PCDHA7: variants seen among roughly 807,000 people sequenced by gnomAD.
PCDHA7 encodes protocadherin alpha 7, also known as protocadherin alpha-7.
A neutral mutation model predicts 57.2 loss-of-function variants in PCDHA7; 37 were observed. That is an observed-to-expected ratio of 0.65 (90% confidence interval 0.50 to 0.85). The LOEUF is 0.85. PCDHA7 is among the 40% of genes least tolerant of loss of function. The probability of loss-of-function intolerance (pLI) is 0.00; values close to 1 mark genes in which losing one functional copy is unlikely to be tolerated. For missense variants in PCDHA7, 1,188 were observed against 1,241.8 expected (o/e 0.96, Z 0.65); for synonymous variants, 553 against 558.8 (o/e 0.99, Z 0.15).
intron 1 of PCDHA7, chr5:140,863,519 A>G (rs1309854310): frequency 7.5e-6 from 3 of 400,164 alleles, no homozygotes; most frequent in Non-Finnish European, 1.5e-5. Context: ...GTGTTCTCCC[A>G]TGGTTCAGAT....
At position 140,857,030 on chromosome 5, in the gene PCDHA7, C is replaced by T. The variant is rs370499942; in HGVS notation, c.2355+20292C>T. The T allele has an allele frequency of 4.7e-5, 75 of 1,596,300 alleles. 6 individuals carry two copies. Among genetic ancestry groups the T allele is most frequent in the Non-Finnish European group, 6.0e-5 (70 of 1,166,132 alleles). ...AGATGTTACAGATAAGGGAAACCCA[C>T]CTATGGTTGGTCACTGCACGGTCCT... On this transcript the variant is annotated intron_variant, in intron 1 of 3. Transcript: ENST00000525929.
chr5:140,938,455 T>C (rs1317742854), intron 1 of PCDHA7, among the ~76,000 whole-genome samples: 1 of 152,196 alleles, frequency 6.6e-6, no homozygotes, highest in East Asian at 1.9e-4. Flanking sequence ...TTCCCTTTGT[T>C]TTTTAATTTA....
intron 1 of PCDHA7, chr5:140,859,970 T>C (rs894279399): frequency 6.6e-6 from 1 of 152,018 alleles, no homozygotes; most frequent in Non-Finnish European, 1.5e-5. Context: ...GTCTCAGGTA[T>C]ACAAGTGCAT....
At chr5:140,893,634 T>C (rs2064095604) in intron 1 of PCDHA7, among the ~76,000 whole-genome samples, 1 of 152,236 alleles carries the variant, frequency 6.6e-6, no homozygotes, top group Admixed American at 6.5e-5. Flanking sequence ...CTGCTTGGTA[T>C]AGTATTTTTG....
intron 1 of PCDHA7, chr5:140,864,637 A>G (rs1554159030): frequency 6.6e-6 from 1 of 152,220 alleles, no homozygotes; most frequent in East Asian, 1.9e-4. Flanking sequence ...AAACAAAACA[A>G]AACAATGTCA....
At chr5:140,998,122 A>G (rs2097797315) in intron 3 of PCDHA7, among the ~76,000 whole-genome samples, 1 of 152,214 alleles carries the variant, frequency 6.6e-6, no homozygotes, top group Admixed American at 6.5e-5. Flanking sequence ...TTACTTGTGA[A>G]TCATAATAGC....
At chr5:140,917,127 C>T (rs1286418907) in intron 1 of PCDHA7, among the ~76,000 whole-genome samples, 1 of 152,072 alleles carries the variant, frequency 6.6e-6, no homozygotes, top group African/African-American at 2.4e-5. Context: ...CGCAGACTCC[C>T]CACGTTGCTC....
intron 1 of PCDHA7, chr5:140,842,268 A>C: frequency 6.2e-7 from 1 of 1,610,534 alleles, no homozygotes; most frequent in South Asian, 1.1e-5. Context: ...GAAAACTTAT[A>C]CAAAATCCTC....
chr5:140,940,437 C>T (rs1212783028), intron 1 of PCDHA7, among the ~76,000 whole-genome samples: 1 of 151,730 alleles, frequency 6.6e-6, no homozygotes, highest in Non-Finnish European at 1.5e-5. Context: ...TCAAGTCTGC[C>T]ATGATATTTT....
chr5:140,876,313 A>T, intron 1 of PCDHA7: 1 of 1,614,022 alleles, frequency 6.2e-7, no homozygotes, highest in East Asian at 2.2e-5. Flanking sequence ...TTCCTATGGG[A>T]TCAAAATGAT....
intron 1 of PCDHA7, chr5:140,869,228 G>A (rs782726206): frequency 6.2e-7 from 1 of 1,613,764 alleles, no homozygotes; most frequent in Non-Finnish European, 8.5e-7. Context: ...GCCAAACACG[G>A]CACCTTCGTG....
At chr5:140,972,228 C>G (rs1295473743) in intron 1 of PCDHA7, among the ~76,000 whole-genome samples, 1 of 151,964 alleles carries the variant, frequency 6.6e-6, no homozygotes, top group Admixed American at 6.5e-5. Flanking sequence ...CAGCCTCGAC[C>G]TTCTGGGCTC....
intron 1 of PCDHA7, among the ~76,000 whole-genome samples, chr5:140,954,333 G>C (rs1554221356): frequency 1.3e-5 from 2 of 152,140 alleles, no homozygotes; most frequent in African/African-American, 4.8e-5. Flanking sequence ...TGGTATTTCT[G>C]CCTCTAGATC....
intron 3 of PCDHA7, among the ~76,000 whole-genome samples, chr5:140,994,615 G>C (rs2097641272): frequency 6.6e-6 from 1 of 152,078 alleles, no homozygotes; most frequent in Admixed American, 6.6e-5. Context: ...TGAGGCACGA[G>C]AGTCACTTGA....
chr5:140,989,727 A>C (rs1203211477), intron 3 of PCDHA7, among the ~76,000 whole-genome samples: 7 of 152,190 alleles, frequency 4.6e-5, no homozygotes, highest in African/African-American at 1.7e-4. Context: ...TTTGCAGTTG[A>C]AAAGGCCATT....
At chr5:140,870,656 C>T (rs782506518) in intron 1 of PCDHA7, 22 of 1,612,360 alleles carry the variant, frequency 1.4e-5, no homozygotes, top group Non-Finnish European at 1.7e-6. Flanking sequence ...AAGGTGTACG[C>T]GCTGCAGCCG....
intron 1 of PCDHA7, chr5:140,860,456 A>T (rs2046407427): frequency 6.6e-6 from 1 of 152,196 alleles, no homozygotes; most frequent in Non-Finnish European, 1.5e-5. Context: ...AATTCACGTG[A>T]TAATACAGTT....
chr5:140,887,561 CT>C (rs2061497104), intron 1 of PCDHA7, among the ~76,000 whole-genome samples: 1 of 151,690 alleles, frequency 6.6e-6, no homozygotes, highest in Non-Finnish European at 1.5e-5. Context: ...ACTGTTAAAA[CT>C]TTTCTTTTTA....
At chr5:140,883,834 G>A (rs891069385) in intron 1 of PCDHA7, 1 of 1,612,658 alleles carries the variant, frequency 6.2e-7, no homozygotes, top group Non-Finnish European at 8.5e-7. Context: ...CGCTGCAGCC[G>A]TTGGACCACG....
Sources: allele counts gnomAD v4.1 joint callset (sites outside exome capture counted in the v4.1 genomes callset), GRCh38; gene constraint gnomAD v4.1.1; transcripts MANE v1.5; gene names NCBI Gene and HGNC (gene_info 2026-07-23, HGNC 2026-07-21).